Variants in PCDHA10 observed in about 807,000 individuals in gnomAD.
The protein encoded by PCDHA10 is protocadherin alpha-10.
PCDHA10 carries 45 observed loss-of-function variants against 61.2 expected under a neutral mutation model. That is an observed-to-expected ratio of 0.74 (90% CI 0.58 to 0.94). The LOEUF (loss-of-function observed/expected upper bound fraction) is 0.94, where lower values mean the gene tolerates loss of function less well. Ranked by LOEUF, PCDHA10 falls within the 40% of genes least tolerant of loss-of-function variation. The pLI, the probability that PCDHA10 is intolerant of heterozygous loss-of-function variation, is 0.00. For missense variants in PCDHA10, 1,278 were observed against 1,236.2 expected (o/e 1.03, Z -0.51); for synonymous variants, 602 against 548.8 (o/e 1.10, Z -1.35).
intron 1 of PCDHA10, chr5:140,869,061 G>A: frequency 6.4e-7 from 1 of 1,558,266 alleles, no homozygotes; most frequent in South Asian, 1.2e-5. Flanking sequence ...ATCTGGTACT[G>A]TAAGTGTAAA....
intron 1 of PCDHA10, chr5:140,866,616 C>G (rs1470168934): frequency 6.6e-6 from 1 of 152,048 alleles, no homozygotes; most frequent in Non-Finnish European, 1.5e-5. Context: ...TGGAGAACCT[C>G]CTGGGGTTCT....
chr5:140,942,223 G>A (rs1334170178), intron 1 of PCDHA10, among the ~76,000 whole-genome samples: 4 of 152,064 alleles, frequency 2.6e-5, no homozygotes, highest in African/African-American at 9.7e-5. Flanking sequence ...TTTAAAATGT[G>A]TAGGCAAATA....
At chr5:140,964,567 A>G (rs2095840776) in intron 1 of PCDHA10, among the ~76,000 whole-genome samples, 1 of 152,080 alleles carries the variant, frequency 6.6e-6, no homozygotes. Context: ...GGCTGGGAGG[A>G]GATAAGGGGA....
At chr5:140,927,598 T>G (rs2084398863) in intron 1 of PCDHA10, 1 of 1,614,046 alleles carries the variant, frequency 6.2e-7, no homozygotes, top group African/African-American at 1.3e-5. Flanking sequence ...ATTTGAGCGC[T>G]CCGTATACCG....
At chr5:140,891,855 C>T (rs1282802499) in intron 1 of PCDHA10, among the ~76,000 whole-genome samples, 1 of 152,156 alleles carries the variant, frequency 6.6e-6, no homozygotes, top group Admixed American at 6.6e-5. Flanking sequence ...GAGCCTGTCC[C>T]TCTCTTATGC....
At chr5:140,975,084 T>C (rs1353727401) in intron 1 of PCDHA10, among the ~76,000 whole-genome samples, 1 of 152,140 alleles carries the variant, frequency 6.6e-6, no homozygotes, top group African/African-American at 2.4e-5. Context: ...GTTGGCAGAA[T>C]CCAGTTGTTT....
At chr5:140,885,462 G>T (rs890056404) in intron 1 of PCDHA10, among the ~76,000 whole-genome samples, 3 of 152,070 alleles carry the variant, frequency 2.0e-5, no homozygotes, top group African/African-American at 7.2e-5. Context: ...ACCTAATGAT[G>T]GGCAATCACT....
At chr5:140,880,512 C>T (rs1296325164) in intron 1 of PCDHA10, among the ~76,000 whole-genome samples, 4 of 152,314 alleles carry the variant, frequency 2.6e-5, no homozygotes, top group South Asian at 4.1e-4. Flanking sequence ...TGTTTGGTCA[C>T]ATCTCTCAAT....
At chr5:140,877,649 C>A (rs369703340) in intron 1 of PCDHA10, 1 of 1,613,438 alleles carries the variant, frequency 6.2e-7, no homozygotes, top group Non-Finnish European at 8.5e-7. Context: ...TGCTCAGCGC[C>A]GCCCACCGTG....
intron 1 of PCDHA10, among the ~76,000 whole-genome samples, chr5:140,962,815 A>C (rs782313534): frequency 3.3e-5 from 5 of 152,242 alleles, no homozygotes; most frequent in Non-Finnish European, 7.3e-5. Flanking sequence ...AACATCAGAG[A>C]TGACCATTTG....
At chr5:140,904,110 T>C (rs556511949) in intron 1 of PCDHA10, among the ~76,000 whole-genome samples, 2 of 152,218 alleles carry the variant, frequency 1.3e-5, no homozygotes, top group Non-Finnish European at 2.9e-5. Context: ...TGGTCATTGC[T>C]GAGATTTTGG....
chr5:140,927,317 G>A lies in PCDHA10; in HGVS notation c.2389-51632G>A, dbSNP rs782172424. ...CCCGAGTTCCTGACGCCCGGAGCCCGCTTTACTCTCCCGAATGCCCAAGAT... is the reference window on the plus strand; with the variant it reads ...CCCGAGTTCCTGACGCCCGGAGCCCACTTTACTCTCCCGAATGCCCAAGAT... On this transcript the variant is annotated intron_variant, in intron 1 of 3. Coordinates refer to ENST00000307360, the MANE Select transcript of PCDHA10 (RefSeq NM_018901.4). 3.2e-5 allele frequency: 52 copies of A among 1,614,146 alleles called. 1 individual carries two copies. The South Asian group carries it at 5.2e-4, about 16-fold the overall frequency.
At chr5:140,927,925 C>G in intron 1 of PCDHA10, 4 of 1,614,214 alleles carry the variant, frequency 2.5e-6, no homozygotes, top group Non-Finnish European at 8.5e-7. Flanking sequence ...CTTCCTGACT[C>G]TTTCGAACCC....
rs2098419648 is a variant in PCDHA10 at position 141,011,160 on chromosome 5, A to AT, written c.*1224dup. The AT allele has an allele frequency of 6.5e-6, 1 of 153,706 alleles. No homozygotes were observed. The highest frequency in any genetic ancestry group is 2.4e-5 in the African/African-American group (1 of 41,436). 9.5% of individuals were successfully genotyped at this position (153,706 alleles called of 1,614,324 possible). A position where few individuals can be genotyped will look rare whatever the true frequency, so the allele number is the denominator to read the frequency against. ...TACACAACCTTCTCTAACCAACTAT[A>AT]TATCAAGACCCAAAAATTGAAGAAA... On this transcript the variant is annotated 3_prime_UTR_variant, in exon 4 of 4. Coordinates refer to ENST00000307360, the MANE Select transcript of PCDHA10 (RefSeq NM_018901.4).
At chr5:140,908,165 G>T (rs1422050863) in intron 1 of PCDHA10, among the ~76,000 whole-genome samples, 1 of 152,222 alleles carries the variant, frequency 6.6e-6, no homozygotes, top group African/African-American at 2.4e-5. Context: ...GGGCTGTAGT[G>T]CTGCAGCTGT....
At chr5:140,877,583 T>A (rs782090888) in intron 1 of PCDHA10, 2 of 1,613,816 alleles carry the variant, frequency 1.2e-6, no homozygotes, top group East Asian at 4.5e-5. Context: ...ATCATCGCCA[T>A]CTGTGCGGTG....
At position 141,010,950 on chromosome 5, in the gene PCDHA10, A is replaced by G. The variant is rs1278386004; in HGVS notation, c.*1013A>G. The G allele has an allele frequency of 6.5e-6, 1 of 153,760 alleles. No homozygotes were observed. Among genetic ancestry groups the G allele is most frequent in the Admixed American group, 6.5e-5 (1 of 15,284 alleles). 9.5% of individuals were successfully genotyped at this position (153,760 alleles called of 1,614,324 possible). A position where few individuals can be genotyped will look rare whatever the true frequency, so the allele number is the denominator to read the frequency against. ...TCAGTCTACAGCCATTTAAATGATC[A>G]TTGCTGCTACAGAAGTGCTTTAAGA... is the stretch of plus-strand genomic sequence containing the variant. On this transcript the variant is annotated 3_prime_UTR_variant, in exon 4 of 4. Coordinates refer to ENST00000307360, the MANE Select transcript of PCDHA10 (RefSeq NM_018901.4).
At chr5:140,974,151 G>A (rs2096617637) in intron 1 of PCDHA10, among the ~76,000 whole-genome samples, 1 of 152,118 alleles carries the variant, frequency 6.6e-6, no homozygotes, top group Non-Finnish European at 1.5e-5. Context: ...ACTATACAAG[G>A]GTTTTTCTTT....
chr5:140,951,546 G>A (rs962043182), intron 1 of PCDHA10, among the ~76,000 whole-genome samples: 9 of 151,942 alleles, frequency 5.9e-5, no homozygotes, highest in Non-Finnish European at 8.8e-5. Context: ...CAAGGGACGG[G>A]GGGAAGTGCT....
Sources: allele counts gnomAD v4.1 joint callset (sites outside exome capture counted in the v4.1 genomes callset), GRCh38; gene constraint gnomAD v4.1.1; transcripts MANE v1.5; gene names NCBI Gene and HGNC (gene_info 2026-07-23, HGNC 2026-07-21).